The following FMN1 variants were observed in gnomAD, a reference collection of about 807,000 sequenced individuals.
FMN1 encodes the protein formin-1.
FMN1 carries 110 observed loss-of-function variants against 132.4 expected under a neutral mutation model. That is an observed-to-expected ratio of 0.83 (90% CI 0.71 to 0.97). FMN1 has a LOEUF of 0.97. Ranked by LOEUF, FMN1 falls within the 50% of genes least tolerant of loss-of-function variation. FMN1 has a pLI of 0.00. For synonymous variants in FMN1, 722 were observed against 651.7 expected (o/e 1.11, Z -1.64); for missense variants, 1,792 against 1,705.3 (o/e 1.05, Z -0.90).
intron 15 of FMN1, among the ~76,000 whole-genome samples, chr15:32,889,093 G>A (rs116689399): frequency 0.019 from 2,908 of 152,160 alleles, 81 homozygotes; most frequent in African/African-American, 0.067. Context: ...GGGCTCAAGC[G>A]ATCCTCCAGC....
intron 4 of FMN1, among the ~76,000 whole-genome samples, chr15:33,126,561 G>T (rs1002601568): frequency 1.3e-5 from 2 of 151,938 alleles, no homozygotes; most frequent in African/African-American, 4.8e-5. Flanking sequence ...AGATTTAGCT[G>T]AAGTTCTTAG....
chr15:33,191,520 G>A (rs1213179939), intron 2 of FMN1, among the ~76,000 whole-genome samples: 1 of 152,172 alleles, frequency 6.6e-6, no homozygotes, highest in Non-Finnish European at 1.5e-5. Context: ...CCTCAAACAT[G>A]CACTAAGGCA....
intron 17 of FMN1, among the ~76,000 whole-genome samples, chr15:32,834,891 C>A (rs1294272618): frequency 6.6e-6 from 1 of 152,124 alleles, no homozygotes; most frequent in East Asian, 1.9e-4. Flanking sequence ...AAATCTAAGG[C>A]TTTTATTCAG....
chr15:32,976,480 C>A (rs2032214483), intron 7 of FMN1, among the ~76,000 whole-genome samples: 1 of 152,096 alleles, frequency 6.6e-6, no homozygotes, highest in African/African-American at 2.4e-5. Flanking sequence ...CTTATACTAG[C>A]CACTGTAAAA....
At chr15:32,920,707 T>C (rs1187384560) in intron 10 of FMN1, among the ~76,000 whole-genome samples, 3 of 152,212 alleles carry the variant, frequency 2.0e-5, no homozygotes, top group African/African-American at 4.8e-5. Context: ...TTTCAGTTTC[T>C]GGCTTGGGGC....
At chr15:32,949,968 C>CATATATATATAT (rs1220028947) in intron 9 of FMN1, among the ~76,000 whole-genome samples, 1 of 40,582 alleles carries the variant, frequency 2.5e-5, no homozygotes, top group East Asian at 5.4e-4. Flanking sequence ...TATATATACA[C>CATATATATATAT]ACATATATAT....
At chr15:32,879,938 TCC>T (rs1194470911) in intron 16 of FMN1, among the ~76,000 whole-genome samples, 1 of 152,096 alleles carries the variant, frequency 6.6e-6, no homozygotes, top group Non-Finnish European at 1.5e-5. Context: ...AGAACAGCAG[TCC>T]CCCATCTCCA....
chr15:33,060,570 G>C (rs1422361172), intron 6 of FMN1, among the ~76,000 whole-genome samples: 1 of 152,138 alleles, frequency 6.6e-6, no homozygotes, highest in Non-Finnish European at 1.5e-5. Context: ...CTGCTGGAGA[G>C]GCCACATGTC....
chr15:32,821,340 T>C (rs1199056252), intron 17 of FMN1, among the ~76,000 whole-genome samples: 2 of 152,080 alleles, frequency 1.3e-5, no homozygotes, highest in African/African-American at 2.4e-5. Context: ...ATTTACTTTT[T>C]CACCTTTTCC....
chr15:33,006,861 A>T (rs2034444151), intron 7 of FMN1, among the ~76,000 whole-genome samples: 1 of 152,144 alleles, frequency 6.6e-6, no homozygotes, highest in African/African-American at 2.4e-5. Flanking sequence ...CAGGGAGTAG[A>T]ATGGTGGTTA....
At chr15:32,815,232 G>A (rs1477699545) in intron 17 of FMN1, among the ~76,000 whole-genome samples, 3 of 152,166 alleles carry the variant, frequency 2.0e-5, no homozygotes, top group African/African-American at 4.8e-5. Flanking sequence ...GTGAGCCATC[G>A]CGCCCGGCCT....
At chr15:32,921,187 A>T (rs980510797) in intron 10 of FMN1, among the ~76,000 whole-genome samples, 2 of 152,194 alleles carry the variant, frequency 1.3e-5, no homozygotes, top group African/African-American at 2.4e-5. Context: ...CTCTCCTAGG[A>T]GGTGACATTT....
At chr15:33,183,059 T>C (rs1012577850) in intron 2 of FMN1, among the ~76,000 whole-genome samples, 5 of 152,190 alleles carry the variant, frequency 3.3e-5, no homozygotes, top group Non-Finnish European at 5.9e-5. Flanking sequence ...TTAAATACAC[T>C]GTCCTATGAC....
At chr15:33,021,592 A>G (rs2035419892) in intron 6 of FMN1, among the ~76,000 whole-genome samples, 1 of 152,234 alleles carries the variant, frequency 6.6e-6, no homozygotes, top group African/African-American at 2.4e-5. Context: ...TAAAAGAGGT[A>G]CAAAAAGTCA....
Position 32,766,710 on chromosome 15 carries a change from G to GT in FMN1, c.*7599_*7600insA, listed in dbSNP as rs2056060656. On this transcript the variant is annotated 3_prime_UTR_variant, in exon 21 of 21. Transcript: ENST00000616417. ...TGACAGCGGAGCTCCCTGTCCAAAC[G>GT]GCTGAGGAACGGAGCACAGGGTGTG... The GT allele has an allele frequency of 6.6e-6, 1 of 152,168 alleles. No homozygotes were observed. Among genetic ancestry groups the GT allele is most frequent in the Non-Finnish European group, 1.5e-5 (1 of 68,092 alleles). 9.4% of individuals were successfully genotyped at this position (152,168 alleles called of 1,614,324 possible). A position where few individuals can be genotyped will look rare whatever the true frequency, so the allele number is the denominator to read the frequency against.
At chr15:32,844,634 T>C (rs2058817706) in intron 17 of FMN1, among the ~76,000 whole-genome samples, 1 of 152,228 alleles carries the variant, frequency 6.6e-6, no homozygotes, top group Non-Finnish European at 1.5e-5. Context: ...ATCCAGCTTA[T>C]ATTCATTGCT....
intron 4 of FMN1, among the ~76,000 whole-genome samples, chr15:33,115,626 G>C (rs2039895619): frequency 6.6e-6 from 1 of 150,978 alleles, no homozygotes; most frequent in Non-Finnish European, 1.5e-5. Flanking sequence ...CTGAGCACCT[G>C]AAATCCAGCT....
Position 32,902,485 on chromosome 15 carries a change from AT to A in FMN1, c.3378-446del, listed in dbSNP as rs894359009. Among the ~76,000 whole-genome samples the A allele has an allele frequency of 1.1e-4, 13 of 115,552 alleles. 1 individual carries two copies. Among genetic ancestry groups the A allele is most frequent in the African/African-American group, 5.9e-4 (13 of 21,862 alleles). 75.8% of individuals were successfully genotyped at this position (115,552 alleles called of 152,430 possible). A position where few individuals can be genotyped will look rare whatever the true frequency, so the allele number is the denominator to read the frequency against. On this transcript the variant is annotated intron_variant, in intron 12 of 20. Transcript: ENST00000616417. ...TGAGGCAAATGTCTACAGACAAGTG[AT>A]TTAAAAAAAAATCTCTTACTAAAGT...
At chr15:33,059,900 G>A (rs115786572) in intron 6 of FMN1, among the ~76,000 whole-genome samples, 13 of 152,250 alleles carry the variant, frequency 8.5e-5, no homozygotes, top group South Asian at 2.1e-4. Context: ...TCTCCAGTCC[G>A]CACTTTTGAT....
Sources: allele counts gnomAD v4.1 joint callset (sites outside exome capture counted in the v4.1 genomes callset), GRCh38; gene constraint gnomAD v4.1.1; transcripts MANE v1.5; gene names NCBI Gene and HGNC (gene_info 2026-07-23, HGNC 2026-07-21).